Variants in ST6GALNAC3 observed in about 807,000 individuals in gnomAD.
ST6GALNAC3 encodes the protein ST6 N-acetylgalactosaminide alpha-2,6-sialyltransferase 3.
In ST6GALNAC3, 25 loss-of-function variants were observed where a neutral mutation model predicts 32.7. The ratio of observed to expected loss-of-function variants is 0.76; its 90% CI spans 0.56 to 1.07. The LOEUF (loss-of-function observed/expected upper bound fraction) is 1.07. ST6GALNAC3 is among the 50% of genes least tolerant of loss of function. ST6GALNAC3 has a pLI of 0.00. For missense variants in ST6GALNAC3, 355 were observed against 382.4 expected (o/e 0.93, Z 0.60); for synonymous variants, 129 against 133.1 (o/e 0.97, Z 0.21).
intron 1 of ST6GALNAC3, among the ~76,000 whole-genome samples, chr1:76,270,065 T>A (rs1484372571): frequency 6.6e-6 from 1 of 152,138 alleles, no homozygotes; most frequent in African/African-American, 2.4e-5. Context: ...CCCCAAATAG[T>A]GGTTCCTGAG....
chr1:76,480,460 C>A (rs113721246), intron 3 of ST6GALNAC3, among the ~76,000 whole-genome samples: 1 of 152,126 alleles, frequency 6.6e-6, no homozygotes, highest in Admixed American at 6.5e-5. Context: ...TAGGAAAATA[C>A]GATGGAATTT....
At chr1:76,181,558 T>C (rs11162096) in intron 1 of ST6GALNAC3, among the ~76,000 whole-genome samples, 78,532 of 152,086 alleles carry the variant, frequency 0.52, 22,905 homozygotes, top group East Asian at 0.87. Context: ...TGTCTACTTA[T>C]ATTTAATCAA....
intron 1 of ST6GALNAC3, among the ~76,000 whole-genome samples, chr1:76,081,078 A>G (rs541900445): frequency 1.3e-5 from 2 of 152,314 alleles, no homozygotes; most frequent in South Asian, 4.1e-4. Flanking sequence ...GTAAACTTTT[A>G]TTACAAATGA....
At chr1:76,605,638 G>T (rs1245174953) in intron 3 of ST6GALNAC3, among the ~76,000 whole-genome samples, 1 of 152,010 alleles carries the variant, frequency 6.6e-6, no homozygotes, top group East Asian at 1.9e-4. Flanking sequence ...GCCAAGGCGG[G>T]TGGATCACCT....
At chr1:76,313,061 G>C (rs6685923) in intron 1 of ST6GALNAC3, among the ~76,000 whole-genome samples, 41,632 of 151,738 alleles carry the variant, frequency 0.27, 6,172 homozygotes, top group Non-Finnish European at 0.32. Flanking sequence ...TTTTCCTCTT[G>C]TTACTTTTTT....
At chr1:76,110,544 T>C (rs1294120801) in intron 1 of ST6GALNAC3, among the ~76,000 whole-genome samples, 1 of 152,226 alleles carries the variant, frequency 6.6e-6, no homozygotes, top group Non-Finnish European at 1.5e-5. Context: ...TTTGGGAGTG[T>C]CAGCTCCCTG....
chr1:76,195,237 G>A (rs1654133867), intron 1 of ST6GALNAC3, among the ~76,000 whole-genome samples: 1 of 152,160 alleles, frequency 6.6e-6, no homozygotes, highest in South Asian at 2.1e-4. Context: ...TCTGCCAACT[G>A]CCCACATATA....
intron 1 of ST6GALNAC3, among the ~76,000 whole-genome samples, chr1:76,225,324 C>G (rs1656004028): frequency 6.6e-6 from 1 of 152,154 alleles, no homozygotes. Context: ...AATTGGAAAC[C>G]TGTGACTTTA....
intron 3 of ST6GALNAC3, among the ~76,000 whole-genome samples, chr1:76,422,559 G>A (rs1655097122): frequency 6.6e-6 from 1 of 151,974 alleles, no homozygotes. Flanking sequence ...GTTCTCAAAC[G>A]TGAGCTTGCA....
intron 2 of ST6GALNAC3, among the ~76,000 whole-genome samples, chr1:76,345,298 C>A (rs6685141): frequency 0.29 from 44,465 of 151,876 alleles, 7,653 homozygotes; most frequent in East Asian, 0.65. Context: ...TCATAGAAAG[C>A]AGAACAATGG....
chr1:76,255,960 A>G (rs1370551230), intron 1 of ST6GALNAC3, among the ~76,000 whole-genome samples: 1 of 151,926 alleles, frequency 6.6e-6, no homozygotes, highest in Non-Finnish European at 1.5e-5. Flanking sequence ...AACAAAGTAT[A>G]ATAATACAAG....
At chr1:76,159,464 A>G (rs2100369182) in intron 1 of ST6GALNAC3, among the ~76,000 whole-genome samples, 1 of 152,302 alleles carries the variant, frequency 6.6e-6, no homozygotes, top group South Asian at 2.1e-4. Context: ...TGTTACAGGC[A>G]TGAGCCACCG....
intron 3 of ST6GALNAC3, among the ~76,000 whole-genome samples, chr1:76,515,287 G>A (rs969160585): frequency 6.6e-6 from 1 of 151,846 alleles, no homozygotes; most frequent in Non-Finnish European, 1.5e-5. Flanking sequence ...GTGTCACCTT[G>A]TTCATCTCTG....
intron 1 of ST6GALNAC3, among the ~76,000 whole-genome samples, chr1:76,251,134 C>A (rs2100697023): frequency 6.6e-6 from 1 of 152,218 alleles, no homozygotes; most frequent in South Asian, 2.1e-4. Context: ...AATGTATTCT[C>A]CTCCTCTGAT....
At chr1:76,407,294 A>G (rs1653902918) in intron 2 of ST6GALNAC3, among the ~76,000 whole-genome samples, 1 of 152,136 alleles carries the variant, frequency 6.6e-6, no homozygotes, top group African/African-American at 2.4e-5. Flanking sequence ...TGCCTTGCAC[A>G]GAATAGGTAC....
At position 76,632,363 on chromosome 1, in the gene ST6GALNAC3, C is replaced by G. The variant is rs560780969; in HGVS notation, c.*3557C>G. 1 of 152,218 alleles carries G rather than the reference C, an allele frequency of 6.6e-6. No homozygotes were observed. The highest frequency in any genetic ancestry group is 1.9e-4 in the East Asian group (1 of 5,180). The allele number at this position is 152,218 out of a possible 1,614,324, so 9.4% of individuals were successfully genotyped here. A position where few individuals can be genotyped will look rare whatever the true frequency, so the allele number is the denominator to read the frequency against. ...TCACAAATCAGACTTGTAAGTATAG[C>G]AATCTGTATTGTAGGTTCTGCCGAT... is the stretch of plus-strand genomic sequence containing the variant. On this transcript the variant is annotated 3_prime_UTR_variant, in exon 5 of 5. Transcript: ENST00000328299.
At chr1:76,395,687 G>A (rs1652902352) in intron 2 of ST6GALNAC3, among the ~76,000 whole-genome samples, 1 of 152,106 alleles carries the variant, frequency 6.6e-6, no homozygotes, top group Non-Finnish European at 1.5e-5. Context: ...GAATGGAACT[G>A]GGGGTGATTC....
intron 3 of ST6GALNAC3, among the ~76,000 whole-genome samples, chr1:76,448,767 A>T (rs1042093748): frequency 1.3e-5 from 2 of 152,132 alleles, no homozygotes; most frequent in African/African-American, 4.8e-5. Context: ...CACCATGGTT[A>T]TGAGGCCTCA....
rs571885418 is a variant in ST6GALNAC3, at chr1:76,535,030, AC to A, written c.624-92421del. On this transcript the variant is annotated intron_variant, in intron 3 of 4. Coordinates refer to ENST00000328299, the MANE Select transcript of ST6GALNAC3 (RefSeq NM_152996.4). ...GACTGATTTTATTAACAATTTTTCAACATGAAATAAAATAATCTTCAATGTA... is the reference window on the plus strand; with the variant it reads ...GACTGATTTTATTAACAATTTTTCAAATGAAATAAAATAATCTTCAATGTA... Among the ~76,000 whole-genome samples the A allele has an allele frequency of 2.3e-3, 357 of 152,296 alleles. 1 individual carries two copies. The highest frequency in any genetic ancestry group is 8.3e-3 in the African/African-American group (345 of 41,568).
Sources: gnomAD v4.1 joint callset for allele counts (sites outside exome capture counted in the v4.1 genomes callset) on GRCh38, gnomAD v4.1.1 for gene constraint, MANE v1.5 for transcripts, NCBI Gene and HGNC (gene_info 2026-07-23, HGNC 2026-07-21) for gene names.